MTFR1: variants seen among roughly 807,000 people sequenced by gnomAD.
The protein encoded by MTFR1 is chondrocyte protein with a poly-proline region.
A neutral mutation model predicts 38.8 loss-of-function variants in MTFR1; 28 were observed. That is an observed-to-expected ratio of 0.72 (90% CI 0.53 to 0.99). The LOEUF is 0.99. Ranked by LOEUF, MTFR1 falls within the 50% of genes least tolerant of loss-of-function variation. The probability of loss-of-function intolerance (pLI) is 0.00; values close to 1 mark genes in which losing one functional copy is unlikely to be tolerated. For missense variants in MTFR1, 358 were observed against 395.5 expected (o/e 0.91, Z 0.81); for synonymous variants, 145 against 137.0 (o/e 1.06, Z -0.41).
chr8:65,678,687 G>A (rs1376427775), intron 2 of MTFR1, among the ~76,000 whole-genome samples: 1 of 152,066 alleles, frequency 6.6e-6, no homozygotes, highest in Non-Finnish European at 1.5e-5. Context: ...GATCACCTGA[G>A]GTCAGGAGTT....
chr8:65,698,910 G>C (rs578033771), intron 4 of MTFR1, among the ~76,000 whole-genome samples: 9 of 152,224 alleles, frequency 5.9e-5, no homozygotes, highest in African/African-American at 2.2e-4. Context: ...TGAATTTTTA[G>C]TAGAGACAGG....
At chr8:65,758,250 A>G (rs1808328360) in intron 3 of MTFR1, among the ~76,000 whole-genome samples, 1 of 152,192 alleles carries the variant, frequency 6.6e-6, no homozygotes, top group Non-Finnish European at 1.5e-5. Context: ...GTGAAGGCAC[A>G]ACCCACCCCC....
Position 65,750,488 on chromosome 8 carries a change from GTGTGTGTGTGTGTGTC to G in MTFR1, c.*49-20449_*49-20434del, listed in dbSNP as rs1253990875. On this transcript the variant is annotated intron_variant, in intron 3 of 3. Transcript: ENST00000521247. ...AATTAGAATCACTGTGTGTGTGTGT[GTGTGTGTGTGTGTGTC>G]TGTGTGTGTCTGTGTGTGTGTGAGA... Among the ~76,000 whole-genome samples, 134 of 136,916 alleles carry G rather than the reference GTGTGTGTGTGTGTGTC, an allele frequency of 9.8e-4. 1 individual carries two copies. The highest frequency in any genetic ancestry group is 3.7e-3 in the African/African-American group (129 of 35,022). The allele number at this position is 136,916 out of a possible 152,430, so 89.8% of individuals were successfully genotyped here. A position where few individuals can be genotyped will look rare whatever the true frequency, so the allele number is the denominator to read the frequency against.
intron 3 of MTFR1, among the ~76,000 whole-genome samples, chr8:65,737,668 GC>G (rs1035548449): frequency 6.6e-6 from 1 of 152,026 alleles, no homozygotes; most frequent in Non-Finnish European, 1.5e-5. Context: ...ACAGGCACAT[GC>G]CTCCACACCC....
chr8:65,710,978 C>CATATATAT (rs201983025), downstream of MTFR1, among the ~76,000 whole-genome samples: 12 of 149,878 alleles, frequency 8.0e-5, no homozygotes, highest in South Asian at 1.3e-3. Context: ...GAGGGACTCT[C>CATATATAT]ATATATATAT....
intron 3 of MTFR1, 111 bp downstream of exon 3, chr8:65,682,562 C>A: frequency 1.6e-6 from 1 of 612,058 alleles, no homozygotes; most frequent in Non-Finnish European, 2.3e-6. Flanking sequence ...CCAATTGATG[C>A]CACTATCAAT....
At chr8:65,665,529 A>T (rs1804356713) in intron 1 of MTFR1, among the ~76,000 whole-genome samples, 1 of 152,154 alleles carries the variant, frequency 6.6e-6, no homozygotes, top group African/African-American at 2.4e-5. Context: ...TCTTAGACTC[A>T]CCTTCATTAA....
In MTFR1 at chr8:65,767,241, G is replaced by A. The variant is rs117775394; in HGVS notation, c.*49-3706G>A. Among the ~76,000 whole-genome samples the A allele has an allele frequency of 8.0e-3, 1,222 of 152,230 alleles. 14 individuals carry two copies. The highest frequency in any genetic ancestry group is 9.3e-3 in the Non-Finnish European group (631 of 68,004). On this transcript the variant is annotated intron_variant, in intron 3 of 3. Transcript: ENST00000521247. ...AGCATGAACCTCAGATTTTTGTTAC[G>A]TAAATAAATCATCAATGACCAGCAT...
intron 1 of MTFR1, among the ~76,000 whole-genome samples, chr8:65,645,106 TCCA>T: frequency 4.6e-5 from 7 of 151,986 alleles, no homozygotes; most frequent in African/African-American, 1.7e-4. Flanking sequence ...CGACCTTCGG[TCCA>T]TCTTTCGGAC....
At chr8:65,669,162 A>C (rs924315588) in intron 1 of MTFR1, among the ~76,000 whole-genome samples, 1 of 152,134 alleles carries the variant, frequency 6.6e-6, no homozygotes, top group African/African-American at 2.4e-5. Flanking sequence ...CCCTTTTGCT[A>C]CGACACGTGA....
intron 1 of MTFR1, among the ~76,000 whole-genome samples, chr8:65,650,353 A>G (rs1324702970): frequency 1.3e-5 from 2 of 149,498 alleles, no homozygotes; most frequent in South Asian, 2.1e-4. Context: ...TTGTATTTTT[A>G]GTAGAGACGG....
At chr8:65,656,538 G>A (rs868687034) in intron 1 of MTFR1, among the ~76,000 whole-genome samples, 1 of 136,854 alleles carries the variant, frequency 7.3e-6, no homozygotes, top group Non-Finnish European at 1.6e-5. Context: ...GTCTTTCTCT[G>A]TTGCCCAGGC....
Position 65,693,676 on chromosome 8 carries a change from C to T in MTFR1, c.198C>T (p.Ser66=). 1 of 1,614,084 alleles carries T rather than the reference C, an allele frequency of 6.2e-7. No homozygotes were observed. Among genetic ancestry groups the T allele is most frequent in the Non-Finnish European group, 8.5e-7 (1 of 1,179,996 alleles). The change falls in exon 4 of 8, where the codon AGC becomes AGT. Residue 66 remains serine, a synonymous_variant. Coordinates refer to ENST00000262146, the MANE Select transcript of MTFR1 (RefSeq NM_014637.4). ...INSHATEWSP[S]HPGEDAVASF... ...GCCATGCAACAGAATGGAGTCCCAG[C>T]CACCCAGGAGAGGATGCAGTGGCGT...
rs1179431555 is a variant in MTFR1 at position 65,730,171 on chromosome 8, C to CTTTTTTTTTTTTTTT, written c.*48+10702_*48+10716dup. Among the ~76,000 whole-genome samples, 60 of 86,438 alleles carry CTTTTTTTTTTTTTTT rather than the reference C, an allele frequency of 6.9e-4. 8 individuals carry two copies. Among genetic ancestry groups the CTTTTTTTTTTTTTTT allele is most frequent in the African/African-American group, 1.1e-3 (23 of 20,928 alleles). 56.7% of individuals were successfully genotyped at this position (86,438 alleles called of 152,430 possible). A position where few individuals can be genotyped will look rare whatever the true frequency, so the allele number is the denominator to read the frequency against. ...TGTGAGGGATCCAGGTTGCGCACTTCTTTTTTTTTTTTTTTTTTTTTTTTT... is the reference window on the plus strand; with the variant it reads ...TGTGAGGGATCCAGGTTGCGCACTTCTTTTTTTTTTTTTTTTTTTTTTTTTTTTTTTTTTTTTTTT... On this transcript the variant is annotated intron_variant, in intron 3 of 3. Transcript: ENST00000521247.
At chr8:65,717,921 A>G (rs1302464650) in intron 2 of MTFR1, 1 of 152,258 alleles carries the variant, frequency 6.6e-6, no homozygotes, top group East Asian at 1.9e-4. Context: ...CTTACTATAC[A>G]TAAAACAATT....
chr8:65,729,327 T>C (rs1479194019), intron 3 of MTFR1, among the ~76,000 whole-genome samples: 2 of 150,810 alleles, frequency 1.3e-5, no homozygotes, highest in African/African-American at 2.4e-5. Flanking sequence ...TCATTTCCCA[T>C]TGTAATGGTT....
intron 3 of MTFR1, among the ~76,000 whole-genome samples, chr8:65,766,930 T>C (rs1808816818): frequency 6.6e-6 from 1 of 152,168 alleles, no homozygotes; most frequent in Non-Finnish European, 1.5e-5. Context: ...AGTTTCTCAA[T>C]GGGTCTTGGA....
chr8:65,770,293 AAG>A (rs1809021489), intron 3 of MTFR1, among the ~76,000 whole-genome samples: 1 of 152,216 alleles, frequency 6.6e-6, no homozygotes, highest in African/African-American at 2.4e-5. Flanking sequence ...TATAAAGAAA[AAG>A]AGGTTTGATG....
intron 1 of MTFR1, among the ~76,000 whole-genome samples, chr8:65,649,430 C>T (rs570545468): frequency 1.3e-4 from 20 of 152,172 alleles, no homozygotes; most frequent in African/African-American, 3.4e-4. Context: ...GGTGATCCAC[C>T]GCCTCAGCCT....
Sources: allele counts gnomAD v4.1 joint callset (sites outside exome capture counted in the v4.1 genomes callset), GRCh38; gene constraint gnomAD v4.1.1; transcripts MANE v1.5; gene names NCBI Gene and HGNC (gene_info 2026-07-23, HGNC 2026-07-21).